Variants in ARHGEF11 observed in about 807,000 individuals in gnomAD.
ARHGEF11 encodes the protein Rho guanine nucleotide exchange factor 11, also known as Rho guanine exchange factor (GEF) 11.
In ARHGEF11, 55 loss-of-function variants were observed where a neutral mutation model predicts 193.7. That is an observed-to-expected ratio of 0.28 (90% confidence interval 0.23 to 0.36). The LOEUF is 0.36. ARHGEF11 is among the 10% of genes least tolerant of loss of function. ARHGEF11 has a pLI of 1.00. For missense variants in ARHGEF11, 1,723 were observed against 2,005.6 expected (o/e 0.86, Z 2.69); for synonymous variants, 693 against 768.0 (o/e 0.90, Z 1.62).
At chr1:156,980,645 C>T (rs764149395) in intron 3 of ARHGEF11, among the ~76,000 whole-genome samples, 159 bp from the exon 4 acceptor site, 4 of 152,148 alleles carry the variant, frequency 2.6e-5, no homozygotes, top group Admixed American at 2.0e-4. Context: ...TCCAGTGACA[C>T]AACTACTTTT....
At chr1:157,019,710 TA>T (rs762533792) in intron 1 of ARHGEF11, among the ~76,000 whole-genome samples, 5 of 152,098 alleles carry the variant, frequency 3.3e-5, no homozygotes, top group South Asian at 4.1e-4. Context: ...GACACACCAA[TA>T]TAGATCCACT....
chr1:156,955,001 C>G lies in ARHGEF11; in HGVS notation c.1769-80G>C, dbSNP rs1034254483. On this transcript the variant is annotated intron_variant, in intron 20 of 40. Coordinates refer to ENST00000368194, the MANE Select transcript of ARHGEF11 (RefSeq NM_198236.3). ...TTAAGAATCAAAATAAAAATTACAT[C>G]AAGCCAAAAAATTAAAAGGTAGTGG... 7.1e-5 allele frequency: 93 copies of G among 1,309,242 alleles called. No homozygotes were observed. The African/African-American group carries it at 9.9e-4, about 14-fold the overall frequency. The allele number at this position is 1,309,242 out of a possible 1,614,324, so 81.1% of individuals were successfully genotyped here. A position where few individuals can be genotyped will look rare whatever the true frequency, so the allele number is the denominator to read the frequency against.
In ARHGEF11 at chr1:156,959,113, G is replaced by C. The variant is rs370196454; in HGVS notation, c.1312C>G (p.Arg438Gly). Residue 438 changes from arginine to glycine, a missense_variant, in exon 16 of 41, where the codon CGT becomes GGT. By Grantham distance (125) the Arg-to-Gly change is moderately radical. Transcript: ENST00000368194. ...DSRLRNSEDARGVLCEAQEAA... is the reference protein window; with the variant it reads ...DSRLRNSEDAGGVLCEAQEAA... ...TCTTGAGCTTCACAGAGAACACCACGGGCATCTTCGCTGTTCCGCAGGCGC... is the reference window on the plus strand; with the variant it reads ...TCTTGAGCTTCACAGAGAACACCACCGGCATCTTCGCTGTTCCGCAGGCGC... 64 of 1,614,092 alleles carry C rather than the reference G, an allele frequency of 4.0e-5. No individual in the cohort carries two copies. Among genetic ancestry groups the C allele is most frequent in the Non-Finnish European group, 5.2e-5 (61 of 1,180,054 alleles).
At chr1:157,035,435 C>T (rs181965535) in intron 1 of ARHGEF11, among the ~76,000 whole-genome samples, 5 of 148,956 alleles carry the variant, frequency 3.4e-5, no homozygotes, top group East Asian at 3.9e-4. Context: ...GATGGAGTTT[C>T]GCTCTTGTTG....
At chr1:156,989,985 C>T (rs186637714) in intron 1 of ARHGEF11, among the ~76,000 whole-genome samples, 4 of 152,312 alleles carry the variant, frequency 2.6e-5, no homozygotes, top group Admixed American at 2.6e-4. Flanking sequence ...CATCAGCACA[C>T]CCAATGAGTC....
At chr1:156,972,576 T>A (rs1056218873) in intron 7 of ARHGEF11, among the ~76,000 whole-genome samples, 2 of 152,242 alleles carry the variant, frequency 1.3e-5, no homozygotes, top group Admixed American at 6.5e-5. Context: ...ATAAAGCTTG[T>A]TGGTAAATAA....
chr1:156,971,758 C>T lies in ARHGEF11; in HGVS notation c.641G>A (p.Gly214Asp). 3 of 1,613,976 alleles carry T rather than the reference C, an allele frequency of 1.9e-6. No homozygotes were observed. The highest frequency in any genetic ancestry group is 2.5e-6 in the Non-Finnish European group (3 of 1,180,014). The change falls in exon 8 of 41, where the codon GGT becomes GAT. Residue 214 changes from glycine to aspartate, a missense_variant. Around this residue, in one of 5 missense-constraint regions of ARHGEF11, gnomAD observed 646 missense variants for 710.7 expected, o/e 0.91. Coordinates refer to ENST00000368194, the MANE Select transcript of ARHGEF11 (RefSeq NM_198236.3). ...PASLLEEQIE[G>D]ARRRVTQLQL... ...TAACTGAGTGACTCGCCGCCGGGCA[C>T]CTTCGATCTGCTCTTCCAGTAGGCT...
At chr1:156,986,232 G>T in intron 1 of ARHGEF11, 59 bp from the exon 2 acceptor site, 1 of 1,420,192 alleles carries the variant, frequency 7.0e-7, no homozygotes, top group Non-Finnish European at 9.9e-7. Flanking sequence ...CAGCCTTGTA[G>T]TAGATGGAGG....
At position 156,948,350 on chromosome 1, in the gene ARHGEF11, C is replaced by T; in HGVS notation, c.2074G>A (p.Ala692Thr). ...AAEATRLHQS[A>T]SSSTSSLSTR... is the part of the protein sequence containing the mutation. ...GAGAGGCTGGAGGTAGAGGACGAGG[C>T]TGACTGGTGCAGGCGAGTAGCCTCC... Residue 692 changes from alanine (A) to threonine (T), a missense_variant, in exon 23 of 41, where the codon GCC becomes ACC. Physicochemically the swap from Ala to Thr is moderately conservative, Grantham distance 58. This residue lies in a region of ARHGEF11 where 491 missense variants were observed against 654.5 expected (regional missense o/e 0.75). Transcript: ENST00000368194. The surrounding 1 kb of genome is among the most constrained non-coding windows in gnomAD (Gnocchi z 4.2). 2 of 1,614,212 alleles carry T rather than the reference C, an allele frequency of 1.2e-6. No individual in the cohort carries two copies. The highest frequency in any genetic ancestry group is 1.7e-6 in the Non-Finnish European group (2 of 1,180,030).
intron 1 of ARHGEF11, among the ~76,000 whole-genome samples, chr1:157,043,903 C>T (rs1571643494): frequency 6.6e-6 from 1 of 152,338 alleles, no homozygotes; most frequent in South Asian, 2.1e-4. Flanking sequence ...TGCCAGGGCC[C>T]TTCTCCCAGC....
At chr1:156,951,823 C>T in intron 21 of ARHGEF11, 124 bp from the exon 22 acceptor site, 1 of 1,281,290 alleles carries the variant, frequency 7.8e-7, no homozygotes, top group Non-Finnish European at 1.1e-6. Flanking sequence ...CAGCACTGGA[C>T]CAAGAGTCAG....
At chr1:156,997,835 A>T (rs549039304) in intron 1 of ARHGEF11, among the ~76,000 whole-genome samples, 2 of 152,114 alleles carry the variant, frequency 1.3e-5, no homozygotes, top group Admixed American at 1.3e-4. Flanking sequence ...ATCATTAAAA[A>T]TAATTTCACC....
Position 156,942,722 on chromosome 1 carries a change from C to A in ARHGEF11, c.3294G>T (p.Glu1098Asp). 6.2e-7 allele frequency: 1 copy of A among 1,614,152 alleles called. No homozygotes were observed. The highest frequency in any genetic ancestry group is 8.5e-7 in the Non-Finnish European group (1 of 1,179,976). ...TSKLGPPQIYELVALTSSDKN... is the reference protein window; with the variant it reads ...TSKLGPPQIYDLVALTSSDKN... ...TGTCTGATGACGTCAATGCAACCAG[C>A]TCATAGATCTGGGGTGGGCCCAGCT... The change falls in exon 33 of 41, where the codon GAG (glutamate) becomes GAT (aspartate). Residue 1098 changes from glutamate to aspartate, a missense_variant. By Grantham distance (45) the Glu-to-Asp change is conservative. Coordinates refer to ENST00000368194, the MANE Select transcript of ARHGEF11 (RefSeq NM_198236.3).
chr1:156,946,906 T>C, intron 27 of ARHGEF11, 30 bp downstream of exon 27: 1 of 1,613,736 alleles, frequency 6.2e-7, no homozygotes, highest in Non-Finnish European at 8.5e-7. Context: ...AATCTCCTCC[T>C]TGCCAAGAGG....
At chr1:156,945,352 C>A in intron 29 of ARHGEF11, 155 bp from the exon 30 acceptor site, 1 of 728,618 alleles carries the variant, frequency 1.4e-6, no homozygotes, top group Non-Finnish European at 2.2e-6. Context: ...ATGAGGACCC[C>A]AAGTGGTAAG....
In ARHGEF11 at chr1:156,993,260, T is replaced by C. The variant is rs773110405; in HGVS notation, c.33-7087A>G. On this transcript the variant is annotated intron_variant, in intron 1 of 40. Coordinates refer to ENST00000368194, the MANE Select transcript of ARHGEF11 (RefSeq NM_198236.3). Reference sequence around the variant, plus strand: ...AATTATATGACCTGTATATGCCACATGTAGATTTGTTTGGTCTTTATTTTC... The same window carrying C: ...AATTATATGACCTGTATATGCCACACGTAGATTTGTTTGGTCTTTATTTTC... 6.2e-4 allele frequency among the ~76,000 whole-genome samples: 94 copies of C among 152,228 alleles called. 1 individual carries two copies. The highest frequency in any genetic ancestry group is 1.2e-4 in the African/African-American group (5 of 41,458).
At chr1:156,951,227 T>C (rs1374930849) in intron 22 of ARHGEF11, among the ~76,000 whole-genome samples, 5 of 152,230 alleles carry the variant, frequency 3.3e-5, no homozygotes, top group African/African-American at 4.8e-5. Flanking sequence ...GCCCCCACTA[T>C]AGTCTTCCTT....
intron 18 of ARHGEF11, 44 bp downstream of exon 18, chr1:156,957,748 C>T: frequency 6.2e-7 from 1 of 1,606,536 alleles, no homozygotes; most frequent in Non-Finnish European, 8.5e-7. Flanking sequence ...AACCCCACTC[C>T]TTCCACCTTG....
At chr1:157,025,453 G>C (rs541289404) in intron 1 of ARHGEF11, among the ~76,000 whole-genome samples, 7 of 152,314 alleles carry the variant, frequency 4.6e-5, no homozygotes, top group African/African-American at 1.4e-4. Context: ...AAGGACCTTG[G>C]ATTCCAGGAG....
Sources: gnomAD v4.1 joint callset for allele counts (sites outside exome capture counted in the v4.1 genomes callset) on GRCh38, gnomAD v4.1.1 for gene constraint, gnomAD v4.1.1 regional missense constraint, Gnocchi (gnomAD v3.1) non-coding constraint, MANE v1.5 for transcripts, NCBI Gene and HGNC (gene_info 2026-07-23, HGNC 2026-07-21) for gene names.